Variants in DNAH8 observed in about 807,000 individuals in gnomAD.
DNAH8 encodes axonemal beta dynein heavy chain 8.
A neutral mutation model predicts 562.1 loss-of-function variants in DNAH8; 382 were observed. The observed-to-expected ratio is 0.68, with a 90% confidence interval of 0.63 to 0.74. DNAH8 has a LOEUF of 0.74. Ranked by LOEUF, DNAH8 falls within the 30% of genes least tolerant of loss-of-function variation. DNAH8 has a pLI of 0.00. For synonymous variants in DNAH8, 1,881 were observed against 1,919.4 expected, an observed-to-expected ratio of 0.98 and a Z score of 0.52; for missense variants, 5,203 against 5,620.4, an observed-to-expected ratio of 0.93 and a Z score of 2.37.
At chr6:38,716,644 A>AG (rs1269799133) in intron 1 of DNAH8, 16 of 152,236 alleles carry the variant, frequency 1.1e-4, no homozygotes, top group African/African-American at 3.9e-4. Context: ...TGTATTCAAT[A>AG]GTCTGTCACA....
At chr6:39,007,376 C>T (rs954825105) in intron 88 of DNAH8, among the ~76,000 whole-genome samples, 1 of 152,200 alleles carries the variant, frequency 6.6e-6, no homozygotes, top group Non-Finnish European at 1.5e-5. Flanking sequence ...CAAGCATTTG[C>T]TGAATCCCTT....
In DNAH8 at chr6:38,737,919, A is replaced by G; in HGVS notation, c.1063A>G (p.Thr355Ala). The change falls in exon 7 of 93, where the codon ACT becomes GCT. Residue 355 changes from threonine to alanine, a missense_variant. By Grantham distance (58) the Thr-to-Ala change is moderately conservative. Around this residue, in one of 6 missense-constraint regions of DNAH8, gnomAD observed 556 missense variants for 496.9 expected, o/e 1.12. Transcript: ENST00000327475. ...EVTAAASNSETVHQLEEVLMV... is the reference protein window; with the variant it reads ...EVTAAASNSEAVHQLEEVLMV... ...AACTGCTGCAGCCAGCAACTCAGAA[A>G]CTGTTCATCAGCTGGAGGAAGTGCT... 6.2e-7 allele frequency: 1 copy of G among 1,608,216 alleles called. No individual in the cohort carries two copies. The highest frequency in any genetic ancestry group is 8.5e-7 in the Non-Finnish European group (1 of 1,177,688).
Position 38,931,973 on chromosome 6 carries a change from G to T in DNAH8, c.11437G>T (p.Val3813Phe). ...ACTTGAGAATCAGTTACTAAGGAGA[G>T]TCATTCTAACAGAGAAACAGGTAAT... ...KGLENQLLRRVILTEKQELEA... is the reference protein window; with the variant it reads ...KGLENQLLRRFILTEKQELEA... Residue 3813 changes from valine to phenylalanine, a missense_variant, in exon 76 of 93, where the codon GTC becomes TTC. Coordinates refer to ENST00000327475, the MANE Select transcript of DNAH8 (RefSeq NM_001206927.2). 6.2e-7 allele frequency: 1 copy of T among 1,600,216 alleles called. No homozygotes were observed. The highest frequency in any genetic ancestry group is 8.5e-7 in the Non-Finnish European group (1 of 1,174,370).
At chr6:38,804,596 C>A (rs1297749234) in intron 22 of DNAH8, among the ~76,000 whole-genome samples, 2 of 152,046 alleles carry the variant, frequency 1.3e-5, no homozygotes, top group Admixed American at 6.6e-5. Flanking sequence ...AGTGTGCCAC[C>A]CAGACTCTCG....
intron 41 of DNAH8, 130 bp downstream of exon 41, chr6:38,853,477 A>G (rs921969127): frequency 3.0e-6 from 3 of 1,002,256 alleles, no homozygotes; most frequent in Middle Eastern, 4.3e-4. Flanking sequence ...GCCTACTCAC[A>G]CTCATTTTAG....
At position 38,863,875 on chromosome 6, in the gene DNAH8, C is replaced by G; in HGVS notation, c.6313C>G (p.Leu2105Val). Residue 2105 changes from leucine (L) to valine (V), a missense_variant and splice_region_variant, in exon 45 of 93, where the codon CTT becomes GTT. By Grantham distance (32) the Leu-to-Val change is conservative. Around this residue, in one of 6 missense-constraint regions of DNAH8, gnomAD observed 2,176 missense variants for 2,365.1 expected, o/e 0.92. Transcript: ENST00000327475. ...FRGLGRIFKG[L>V]AQSGSWGCFD... ...AAATTAACTGTTTTTCATGCCAGGT[C>G]TTGCACAGTCGGGTTCCTGGGGCTG... The G allele has an allele frequency of 1.9e-6, 3 of 1,586,906 alleles. No individual in the cohort carries two copies. The highest frequency in any genetic ancestry group is 2.6e-6 in the Non-Finnish European group (3 of 1,172,900).
At chr6:38,973,897 G>C (rs1390983681) in intron 84 of DNAH8, 84 bp downstream of exon 84, 2 of 1,134,188 alleles carry the variant, frequency 1.8e-6, no homozygotes, top group Admixed American at 4.8e-5. Flanking sequence ...GAACACAACA[G>C]GGCTTTTTGG....
intron 33 of DNAH8, among the ~76,000 whole-genome samples, chr6:38,838,389 C>T (rs956720762): frequency 6.6e-6 from 1 of 151,566 alleles, no homozygotes; most frequent in Non-Finnish European, 1.5e-5. Context: ...AATAACCTTC[C>T]TGGCTCCCCT....
intron 24 of DNAH8, among the ~76,000 whole-genome samples, chr6:38,813,140 T>G (rs1562873552): frequency 6.6e-6 from 1 of 152,242 alleles, no homozygotes; most frequent in Non-Finnish European, 1.5e-5. Flanking sequence ...TTCACTGCCT[T>G]TATTATTCAA....
At chr6:38,782,468 G>A (rs2127641608) in intron 16 of DNAH8, among the ~76,000 whole-genome samples, 1 of 152,138 alleles carries the variant, frequency 6.6e-6, no homozygotes, top group African/African-American at 2.4e-5. Flanking sequence ...TTTTTAGAGA[G>A]ACAGCGTTTC....
chr6:39,013,129 G>A (rs942327903), intron 91 of DNAH8, among the ~76,000 whole-genome samples: 2 of 152,198 alleles, frequency 1.3e-5, no homozygotes, highest in African/African-American at 4.8e-5. Context: ...TCCTGAAAGA[G>A]TGCTTTATAA....
intron 82 of DNAH8, among the ~76,000 whole-genome samples, chr6:38,952,844 C>G (rs145486255): frequency 6.6e-6 from 1 of 152,212 alleles, no homozygotes; most frequent in African/African-American, 2.4e-5. Flanking sequence ...AAGTCTCATT[C>G]GCTATCTTCA....
chr6:38,766,398 T>A (rs1326516662), intron 11 of DNAH8, among the ~76,000 whole-genome samples: 3 of 152,114 alleles, frequency 2.0e-5, no homozygotes, highest in Non-Finnish European at 4.4e-5. Flanking sequence ...TGACGAGATA[T>A]TGGTGAAAGA....
At chr6:39,000,121 A>G (rs532990966) in intron 88 of DNAH8, among the ~76,000 whole-genome samples, 2 of 152,326 alleles carry the variant, frequency 1.3e-5, no homozygotes, top group African/African-American at 2.4e-5. Flanking sequence ...ACAAACAAAC[A>G]TTTGTTGAGA....
At chr6:39,010,514 G>C (rs1766118128) in intron 89 of DNAH8, among the ~76,000 whole-genome samples, 2 of 151,942 alleles carry the variant, frequency 1.3e-5, no homozygotes, top group South Asian at 4.2e-4. Flanking sequence ...AGGGTTTAAG[G>C]TTTTTCTAAG....
At position 38,784,315 on chromosome 6, in the gene DNAH8, A is replaced by G. The variant is rs147020741; in HGVS notation, c.2395+1176A>G. ...AGAGAATTTTTAACAACTGAAGCAT[A>G]TACTGGTTTTGTTTTGGTTCTACAA... On this transcript the variant is annotated intron_variant, in intron 17 of 92. Transcript: ENST00000327475. Among the ~76,000 whole-genome samples, 910 of 152,302 alleles carry G rather than the reference A, an allele frequency of 6.0e-3. 11 individuals are homozygous for G. The highest frequency in any genetic ancestry group is 0.02 in the African/African-American group (826 of 41,562).
At chr6:38,777,509 A>G (rs1197349111) in intron 13 of DNAH8, among the ~76,000 whole-genome samples, 1 of 152,210 alleles carries the variant, frequency 6.6e-6, no homozygotes, top group Non-Finnish European at 1.5e-5. Context: ...TATGATCTAT[A>G]CATACAAATA....
Position 38,938,843 on chromosome 6 carries a change from C to T in DNAH8, c.11862C>T (p.Ile3954=), listed in dbSNP as rs147504887. The T allele has an allele frequency of 1.9e-5, 31 of 1,612,414 alleles. No homozygotes were observed. The highest frequency in any genetic ancestry group is 3.3e-4 in the Middle Eastern group (2 of 6,050). ...CTCAAAAGAGAATTACAAATATTAT[C>T]GAGTACCTGACATATGAAGTTTTTA... is the stretch of plus-strand genomic sequence containing the variant. ...PLPQKRITNI[I]EYLTYEVFTY... Residue 3954 remains isoleucine (I), a synonymous_variant, in exon 79 of 93, where the codon ATC becomes ATT. Transcript: ENST00000327475.
chr6:38,742,330 G>T (rs374526897), intron 8 of DNAH8, among the ~76,000 whole-genome samples: 54 of 151,992 alleles, frequency 3.6e-4, no homozygotes, highest in African/African-American at 1.3e-3. Context: ...ACAGGGTCTC[G>T]TTCTGTCACT....
Sources: allele counts gnomAD v4.1 joint callset (sites outside exome capture counted in the v4.1 genomes callset), GRCh38; gene constraint gnomAD v4.1.1; regional missense constraint gnomAD v4.1.1; transcripts MANE v1.5; gene names NCBI Gene and HGNC (gene_info 2026-07-23, HGNC 2026-07-21).